LSMEM1: variants seen among roughly 807,000 people sequenced by gnomAD.
LSMEM1 encodes the protein leucine-rich single-pass membrane protein 1.
LSMEM1 carries 10 observed loss-of-function variants against 11.3 expected under a neutral mutation model. That is an observed-to-expected ratio of 0.89 (90% CI 0.55 to 1.50). LSMEM1 has a LOEUF of 1.50. LSMEM1 is among the 40% of genes most tolerant of loss of function. The pLI is 0.00. For synonymous variants in LSMEM1, 65 were observed against 59.3 expected (o/e 1.10, Z -0.44); for missense variants, 151 against 152.9 (o/e 0.99, Z 0.06).
chr7:112,488,046 G>T (rs935903251), intron 3 of LSMEM1, among the ~76,000 whole-genome samples: 2 of 152,072 alleles, frequency 1.3e-5, no homozygotes, highest in African/African-American at 2.4e-5. Flanking sequence ...CCCTTTCACC[G>T]CTTCCAATCC....
At chr7:112,483,681 G>A (rs1312124537) in intron 1 of LSMEM1, 1 of 152,180 alleles carries the variant, frequency 6.6e-6, no homozygotes, top group Non-Finnish European at 1.5e-5. Flanking sequence ...ATATAGAAAA[G>A]AAAAGTAGCA....
chr7:112,487,265 T>C (rs1395484635), intron 3 of LSMEM1, among the ~76,000 whole-genome samples: 1 of 152,184 alleles, frequency 6.6e-6, no homozygotes, highest in Non-Finnish European at 1.5e-5. Flanking sequence ...GTGCCAGAAG[T>C]CCATGAATAT....
In LSMEM1 at chr7:112,481,576, A is replaced by G. The variant is rs148744810; in HGVS notation, c.-6+230A>G. 1.6e-3 allele frequency among the ~76,000 whole-genome samples: 247 copies of G among 152,350 alleles called. 1 individual carries two copies. The highest frequency in any genetic ancestry group is 5.5e-3 in the African/African-American group (228 of 41,576). On this transcript the variant is annotated intron_variant, in intron 1 of 3. Coordinates refer to ENST00000312849, the MANE Select transcript of LSMEM1 (RefSeq NM_182597.3). The stretch of plus-strand genomic sequence containing the variant: ...GCTTATTAGCTTTGAATTATGCCCT[A>G]TTATAACAATTCTGATTTTGTGGCA...
rs1796141604 is a variant in LSMEM1, at chr7:112,486,920, T to A, written c.128-3T>A. On this transcript the variant is annotated splice_region_variant and splice_polypyrimidine_tract_variant and intron_variant, in intron 2 of 3. Transcript: ENST00000312849. ...TCCTTGTTTTTTGTTTGTTTCATAT[T>A]AGCTCTAGAGGACAAAATCCCAGTC... 2 of 1,613,944 alleles carry A rather than the reference T, an allele frequency of 1.2e-6. No homozygotes were observed. The highest frequency in any genetic ancestry group is 1.7e-6 in the Non-Finnish European group (2 of 1,179,940).
intron 2 of LSMEM1, among the ~76,000 whole-genome samples, chr7:112,485,282 A>G (rs1212408758): frequency 6.6e-6 from 1 of 152,068 alleles, no homozygotes; most frequent in Non-Finnish European, 1.5e-5. Context: ...TAGGTTACCG[A>G]TGGGGACCAC....
chr7:112,485,275 G>A (rs1040198641), intron 2 of LSMEM1, among the ~76,000 whole-genome samples: 8 of 152,114 alleles, frequency 5.3e-5, no homozygotes, highest in Non-Finnish European at 8.8e-5. Context: ...CCATGGCTAG[G>A]TTACCGATGG....
chr7:112,480,736 C>T (rs1796015558), upstream of LSMEM1: 1 of 448,182 alleles, frequency 2.2e-6, no homozygotes, highest in Admixed American at 2.4e-5. Flanking sequence ...AAATCGCCCA[C>T]TCACAATCGC....
intron 3 of LSMEM1, 41 bp downstream of exon 3, chr7:112,487,092 A>T (rs779936700): frequency 6.2e-7 from 1 of 1,603,576 alleles, no homozygotes; most frequent in Non-Finnish European, 8.5e-7. Context: ...ACTTGTATGC[A>T]TTTATTCATA....
Position 112,486,937 on chromosome 7 carries a change from A to T in LSMEM1, c.142A>T (p.Ile48Phe), listed in dbSNP as rs1796141819. The T allele has an allele frequency of 1.2e-6, 2 of 1,614,092 alleles. No individual in the cohort carries two copies. Among genetic ancestry groups the T allele is most frequent in the Non-Finnish European group, 1.7e-6 (2 of 1,179,990 alleles). ...TTTCATATTAGCTCTAGAGGACAAAATCCCAGTCCTTGGCACAAACTCAGG... is the reference window on the plus strand; with the variant it reads ...TTTCATATTAGCTCTAGAGGACAAATTCCCAGTCCTTGGCACAAACTCAGG... ...SQHLFPLEDK[I>F]PVLGTNSGNG... The change falls in exon 3 of 4, where the codon ATC becomes TTC. Residue 48 changes from isoleucine to phenylalanine, a missense_variant. Ile to Phe is a conservative substitution (Grantham distance 21). Transcript: ENST00000312849.
At chr7:112,484,304 C>T (rs750758040) in intron 1 of LSMEM1, among the ~76,000 whole-genome samples, 2 of 152,154 alleles carry the variant, frequency 1.3e-5, no homozygotes, top group Non-Finnish European at 2.9e-5. Context: ...AAGCCTCCTG[C>T]AATTAGAATG....
Position 112,489,915 on chromosome 7 carries a change from AC to A in LSMEM1, c.364del (p.Gln122AsnfsTer16). 3 of 1,614,066 alleles carry A rather than the reference AC, an allele frequency of 1.9e-6. No homozygotes were observed. Among genetic ancestry groups the A allele is most frequent in the Non-Finnish European group, 2.5e-6 (3 of 1,179,968 alleles). Reference protein sequence around the residue: ...RINNMIVKRLNQLNQLDSEQN With the variant: ...RINNMIVKRLXQLNQLDSEQN Reference sequence around the variant, plus strand: ...AATAACATGATCGTAAAGCGACTCAACCAACTCAACCAACTGGACTCTGAAC... The same window carrying A: ...AATAACATGATCGTAAAGCGACTCAACAACTCAACCAACTGGACTCTGAAC... On this transcript the variant is annotated frameshift_variant, in exon 4 of 4. Transcript: ENST00000312849. LOFTEE classifies it high-confidence loss of function.
rs2117377691 is a variant in LSMEM1, at chr7:112,490,154, A to C, written c.*205A>C. ...GGGAATAGCAACTAAAAAGGGGTGA[A>C]CTTGTCTCAGCCCCCTTTTATGGTA... On this transcript the variant is annotated 3_prime_UTR_variant, in exon 4 of 4. Coordinates refer to ENST00000312849, the MANE Select transcript of LSMEM1 (RefSeq NM_182597.3). 2.0e-6 allele frequency: 1 copy of C among 490,158 alleles called. No individual in the cohort carries two copies. Among genetic ancestry groups the C allele is most frequent in the East Asian group, 3.3e-5 (1 of 30,110 alleles). 30.4% of individuals were successfully genotyped at this position (490,158 alleles called of 1,614,324 possible). A position where few individuals can be genotyped will look rare whatever the true frequency, so the allele number is the denominator to read the frequency against.
rs1796029559 is a variant in LSMEM1, at chr7:112,481,299, GT to G, written c.-49del. 1 of 154,964 alleles carries G rather than the reference GT, an allele frequency of 6.5e-6. No homozygotes were observed. The highest frequency in any genetic ancestry group is 2.4e-5 in the African/African-American group (1 of 41,364). The allele number at this position is 154,964 out of a possible 1,614,324, so 9.6% of individuals were successfully genotyped here. A position where few individuals can be genotyped will look rare whatever the true frequency, so the allele number is the denominator to read the frequency against. ...CAATTAGTTTTTGTTTGTTTGTTTTGTTTTGTTTTGTTTTTCTGGTAACCTA... is the reference window on the plus strand; with the variant it reads ...CAATTAGTTTTTGTTTGTTTGTTTTGTTTGTTTTGTTTTTCTGGTAACCTA... On this transcript the variant is annotated 5_prime_UTR_variant, in exon 1 of 4. Transcript: ENST00000312849.
chr7:112,485,362 A>T (rs1796108735), intron 2 of LSMEM1, among the ~76,000 whole-genome samples: 1 of 152,066 alleles, frequency 6.6e-6, no homozygotes, highest in African/African-American at 2.4e-5. Context: ...TTCTACTTAC[A>T]AGTTACAAAT....
Position 112,486,799 on chromosome 7 carries a change from G to C in LSMEM1, c.128-124G>C, listed in dbSNP as rs1386268942. On this transcript the variant is annotated intron_variant, in intron 2 of 3. Transcript: ENST00000312849. ...TCAAAAAAAAAGAGTCACTTTCTAG[G>C]CTTGTCAGAGAGAAAGTGGGTGTGT... 3 of 1,353,428 alleles carry C rather than the reference G, an allele frequency of 2.2e-6. No individual in the cohort carries two copies. In the African/African-American group the frequency reaches 4.4e-5, roughly 20 times the overall value. The allele number at this position is 1,353,428 out of a possible 1,614,324, so 83.8% of individuals were successfully genotyped here.
At chr7:112,484,163 T>G (rs528253565) in intron 1 of LSMEM1, among the ~76,000 whole-genome samples, 3 of 152,214 alleles carry the variant, frequency 2.0e-5, no homozygotes, top group Non-Finnish European at 4.4e-5. Flanking sequence ...TTCCTCTCTA[T>G]AGCAGCTAAG....
chr7:112,480,373 G>C (rs984995490), upstream of LSMEM1, among the ~76,000 whole-genome samples: 2 of 152,114 alleles, frequency 1.3e-5, no homozygotes, highest in African/African-American at 4.8e-5. Flanking sequence ...CTGTCTCAAA[G>C]AAAATTTTGT....
chr7:112,490,465 T>C lies in LSMEM1; in HGVS notation c.*516T>C, dbSNP rs1796215189. 1 of 152,608 alleles carries C rather than the reference T, an allele frequency of 6.6e-6. No individual in the cohort carries two copies. Among genetic ancestry groups the C allele is most frequent in the Non-Finnish European group, 1.5e-5 (1 of 68,308 alleles). The allele number at this position is 152,608 out of a possible 1,614,324, so 9.5% of individuals were successfully genotyped here. ...TTTGACTCTATTTCCCCAGGGACAGTGATGGGTGGGCCCCAGAGCTAGTTG... is the reference window on the plus strand; with the variant it reads ...TTTGACTCTATTTCCCCAGGGACAGCGATGGGTGGGCCCCAGAGCTAGTTG... On this transcript the variant is annotated 3_prime_UTR_variant, in exon 4 of 4. Transcript: ENST00000312849.
chr7:112,487,411 A>G (rs1176287102), intron 3 of LSMEM1, among the ~76,000 whole-genome samples: 1 of 152,246 alleles, frequency 6.6e-6, no homozygotes, highest in Non-Finnish European at 1.5e-5. Context: ...TCAGATCTAT[A>G]ACATCGAAAC....
Sources: gnomAD v4.1 joint callset for allele counts (sites outside exome capture counted in the v4.1 genomes callset) on GRCh38, gnomAD v4.1.1 for gene constraint, MANE v1.5 for transcripts, NCBI Gene and HGNC (gene_info 2026-07-23, HGNC 2026-07-21) for gene names.